RGS21: variants seen among roughly 807,000 people sequenced by gnomAD.
The protein encoded by RGS21 is regulator of G-protein signalling 21.
In RGS21, 19 loss-of-function variants were observed where a neutral mutation model predicts 18.7. That is an observed-to-expected ratio of 1.01 (90% confidence interval 0.71 to 1.49). RGS21 has a LOEUF of 1.49. RGS21 is among the 40% of genes most tolerant of loss of function. RGS21 has a pLI of 0.00. For synonymous variants in RGS21, 56 were observed against 57.8 expected, an observed-to-expected ratio of 0.97 and a Z score of 0.14; for missense variants, 194 against 176.8, an observed-to-expected ratio of 1.10 and a Z score of -0.55.
chr1:192,341,280 C>T (rs1658858299), intron 1 of RGS21, among the ~76,000 whole-genome samples: 1 of 152,032 alleles, frequency 6.6e-6, no homozygotes, highest in African/African-American at 2.4e-5. Context: ...TCTTTTGTCA[C>T]ATAAAGTAAT....
At chr1:192,327,038 A>G (rs1448526569) in intron 1 of RGS21, among the ~76,000 whole-genome samples, 1 of 152,164 alleles carries the variant, frequency 6.6e-6, no homozygotes, top group Non-Finnish European at 1.5e-5. Context: ...GATGAGTCCT[A>G]GAGAAGTCAG....
chr1:192,326,604 T>G lies in RGS21; in HGVS notation c.-61+9499T>G, dbSNP rs1227002713. The stretch of plus-strand genomic sequence containing the variant: ...TTTTGATGAATAAAATTCAAGAAAT[T>G]GAATAGGCAAAGTGAAATACAATTT... On this transcript the variant is annotated intron_variant, in intron 1 of 4. Coordinates refer to ENST00000417209, the MANE Select transcript of RGS21 (RefSeq NM_001039152.3). Among the ~76,000 whole-genome samples the G allele has an allele frequency of 3.9e-5, 6 of 152,252 alleles. No individual in the cohort carries two copies. The East Asian group carries it at 1.2e-3, about 29-fold the overall frequency.
chr1:192,347,397 T>A lies in RGS21; in HGVS notation c.88+8T>A, dbSNP rs1391381082. ...CGCTTTTAGCCAACCAAGGTAAGAT[T>A]TAACTAATAATAGGCTTAAAATACA... On this transcript the variant is annotated splice_region_variant and intron_variant, in intron 3 of 4. Coordinates refer to ENST00000417209, the MANE Select transcript of RGS21 (RefSeq NM_001039152.3). 1 of 1,413,824 alleles carries A rather than the reference T, an allele frequency of 7.1e-7. No homozygotes were observed. Among genetic ancestry groups the A allele is most frequent in the Non-Finnish European group, 1.0e-6 (1 of 1,000,312 alleles). 87.6% of individuals were successfully genotyped at this position (1,413,824 alleles called of 1,614,324 possible).
chr1:192,359,758 A>G (rs886940681), intron 4 of RGS21, among the ~76,000 whole-genome samples: 42 of 137,462 alleles, frequency 3.1e-4, no homozygotes, highest in Non-Finnish European at 4.6e-5. Flanking sequence ...ATATAACTCT[A>G]TATGTAACTT....
At chr1:192,354,396 A>G (rs551207832) in intron 4 of RGS21, among the ~76,000 whole-genome samples, 100 of 151,894 alleles carry the variant, frequency 6.6e-4, no homozygotes, top group African/African-American at 2.3e-3. Flanking sequence ...AAGAAACACT[A>G]TTCCAGCACT....
At chr1:192,353,743 G>C (rs1659076378) in intron 4 of RGS21, among the ~76,000 whole-genome samples, 1 of 151,348 alleles carries the variant, frequency 6.6e-6, no homozygotes, top group Non-Finnish European at 1.5e-5. Flanking sequence ...AATTTATACT[G>C]TAATAATTTA....
In RGS21 at chr1:192,366,160, G is replaced by T; in HGVS notation, c.*36G>T. ...AGTTAACTAATCACTATACTTCAGG[G>T]CTACAATATTTTAAATATACAAGCA... On this transcript the variant is annotated 3_prime_UTR_variant, in exon 5 of 5. Transcript: ENST00000417209. 1.7e-6 allele frequency: 2 copies of T among 1,194,806 alleles called. No homozygotes were observed. The highest frequency in any genetic ancestry group is 1.3e-5 in the South Asian group (1 of 78,314). 74.0% of individuals were successfully genotyped at this position (1,194,806 alleles called of 1,614,324 possible).
At chr1:192,353,252 A>G (rs1659069386) in intron 4 of RGS21, among the ~76,000 whole-genome samples, 1 of 152,124 alleles carries the variant, frequency 6.6e-6, no homozygotes, top group South Asian at 2.1e-4. Flanking sequence ...TTCAAGTTTT[A>G]GATAGACATT....
intron 1 of RGS21, among the ~76,000 whole-genome samples, chr1:192,340,514 G>C (rs1489323881): frequency 6.6e-6 from 1 of 152,032 alleles, no homozygotes; most frequent in African/African-American, 2.4e-5. Context: ...CTTCTCTTAA[G>C]GAGGGTTTTA....
chr1:192,353,071 G>A (rs1312135001), intron 4 of RGS21, among the ~76,000 whole-genome samples: 4 of 151,936 alleles, frequency 2.6e-5, no homozygotes, highest in Non-Finnish European at 5.9e-5. Context: ...TTCATACAGA[G>A]GTGAAATGCT....
At chr1:192,333,637 A>G (rs1658696900) in intron 1 of RGS21, among the ~76,000 whole-genome samples, 1 of 48,278 alleles carries the variant, frequency 2.1e-5, no homozygotes, top group African/African-American at 1.0e-4. Flanking sequence ...ACAAAAAAAA[A>G]AAAAAAAAAA....
intron 4 of RGS21, among the ~76,000 whole-genome samples, chr1:192,360,246 G>A (rs1240831915): frequency 1.3e-5 from 2 of 152,076 alleles, no homozygotes; most frequent in Admixed American, 6.6e-5. Context: ...TAACTACTCT[G>A]TTCTTCCACT....
chr1:192,353,282 A>G (rs1454769300), intron 4 of RGS21, among the ~76,000 whole-genome samples: 1 of 151,990 alleles, frequency 6.6e-6, no homozygotes, highest in Non-Finnish European at 1.5e-5. Flanking sequence ...AGCATATATT[A>G]GTCTAGTATA....
At chr1:192,351,920 T>C (rs1047824555) in intron 3 of RGS21, 127 bp from the exon 4 acceptor site, 18 of 555,244 alleles carry the variant, frequency 3.2e-5, no homozygotes, top group Non-Finnish European at 5.0e-5. Context: ...TACATTACAT[T>C]TAGATGCAAT....
intron 1 of RGS21, among the ~76,000 whole-genome samples, chr1:192,326,479 C>T (rs762796540): frequency 1.3e-5 from 2 of 151,960 alleles, no homozygotes; most frequent in Non-Finnish European, 2.9e-5. Flanking sequence ...CTTGGAATGA[C>T]ATAAGGAAAT....
chr1:192,321,947 G>A (rs1484035190), intron 1 of RGS21, among the ~76,000 whole-genome samples: 3 of 152,002 alleles, frequency 2.0e-5, no homozygotes, highest in Non-Finnish European at 4.4e-5. Flanking sequence ...AGAGATTATA[G>A]CAAGTAAATC....
chr1:192,335,582 G>A (rs766590420), intron 1 of RGS21, among the ~76,000 whole-genome samples: 1 of 152,156 alleles, frequency 6.6e-6, no homozygotes, highest in Non-Finnish European at 1.5e-5. Context: ...GTACAAGACT[G>A]TGTCTCTACC....
chr1:192,342,509 C>T (rs183848813), intron 1 of RGS21, among the ~76,000 whole-genome samples: 34 of 151,904 alleles, frequency 2.2e-4, no homozygotes, highest in Non-Finnish European at 4.4e-4. Flanking sequence ...AATAAAATTG[C>T]TTAAATAGTT....
chr1:192,320,514 G>GTGTATA lies in RGS21; in HGVS notation c.-61+3414_-61+3415insATGTAT, dbSNP rs1360804092. Among the ~76,000 whole-genome samples the GTGTATA allele has an allele frequency of 7.3e-4, 106 of 145,610 alleles. 2 individuals carry two copies. The highest frequency in any genetic ancestry group is 2.5e-3 in the African/African-American group (95 of 37,996). On this transcript the variant is annotated intron_variant, in intron 1 of 4. Transcript: ENST00000417209. ...AATGTAAAGGAATGTGTATGTGTATGTGTATGTGTATATGTATGTGTATGT... is the reference window on the plus strand; with the variant it reads ...AATGTAAAGGAATGTGTATGTGTATGTGTATATGTATGTGTATATGTATGTGTATGT...
Sources: allele counts gnomAD v4.1 joint callset (sites outside exome capture counted in the v4.1 genomes callset), GRCh38; gene constraint gnomAD v4.1.1; transcripts MANE v1.5; gene names NCBI Gene and HGNC (gene_info 2026-07-23, HGNC 2026-07-21).